Variants in TDRP observed in about 807,000 individuals in gnomAD.
The protein encoded by TDRP is testis development related protein.
In TDRP, 12 loss-of-function variants were observed where a neutral mutation model predicts 10.5. The observed-to-expected ratio is 1.15, with a 90% CI of 0.73 to 1.86. TDRP has a LOEUF of 1.86. Ranked by LOEUF, TDRP falls within the 40% of genes most tolerant of loss-of-function variation. TDRP has a pLI of 0.00. For missense variants in TDRP, 353 were observed against 229.2 expected (o/e 1.54, Z -3.49); for synonymous variants, 139 against 95.4 (o/e 1.46, Z -2.67).
At chr8:499,576 A>C (rs1801228895) in intron 1 of TDRP, among the ~76,000 whole-genome samples, 1 of 152,216 alleles carries the variant, frequency 6.6e-6, no homozygotes, top group Non-Finnish European at 1.5e-5. Flanking sequence ...CCAGGTGAGC[A>C]ATTAGAAGAG....
At chr8:542,341 C>G (rs1312046481) in intron 1 of TDRP, among the ~76,000 whole-genome samples, 1 of 152,050 alleles carries the variant, frequency 6.6e-6, no homozygotes, top group African/African-American at 2.4e-5. Context: ...TTTGTCCAAA[C>G]CACAGAATGC....
intron 1 of TDRP, among the ~76,000 whole-genome samples, chr8:514,309 A>G (rs1041158261): frequency 2.1e-4 from 32 of 152,216 alleles, no homozygotes; most frequent in African/African-American, 7.5e-4. Context: ...CCATACATAT[A>G]AGGTCAATTG....
chr8:513,883 G>C (rs1466565552), intron 1 of TDRP, among the ~76,000 whole-genome samples: 1 of 152,142 alleles, frequency 6.6e-6, no homozygotes, highest in Non-Finnish European at 1.5e-5. Flanking sequence ...AATTAAGAAA[G>C]CAATTCCAGT....
In TDRP at chr8:491,935, A is replaced by G. The variant is rs1046377808; in HGVS notation, c.*464T>C. Reference sequence around the variant, plus strand: ...TTTGTCAAGTTAAACAAAATTTAACATAACTTTGGAAGATTCATCTTACCT... The same window carrying G: ...TTTGTCAAGTTAAACAAAATTTAACGTAACTTTGGAAGATTCATCTTACCT... On this transcript the variant is annotated 3_prime_UTR_variant, in exon 3 of 3. Coordinates refer to ENST00000324079, the MANE Select transcript of TDRP (RefSeq NM_001384899.1). The G allele has an allele frequency of 7.9e-6, 9 of 1,135,910 alleles. No homozygotes were observed. Among genetic ancestry groups the G allele is most frequent in the Admixed American group, 9.5e-5 (2 of 21,060 alleles). 70.4% of individuals were successfully genotyped at this position (1,135,910 alleles called of 1,614,324 possible).
intron 1 of TDRP, among the ~76,000 whole-genome samples, chr8:540,806 T>TAAA (rs60390652): frequency 1.6e-5 from 2 of 125,012 alleles, no homozygotes; most frequent in African/African-American, 3.0e-5. Flanking sequence ...CTTTTTCACG[T>TAAA]AAAAAAAAAA....
At chr8:543,233 G>T (rs1476473573) in intron 1 of TDRP, among the ~76,000 whole-genome samples, 2 of 152,002 alleles carry the variant, frequency 1.3e-5, no homozygotes, top group Non-Finnish European at 2.9e-5. Context: ...AATAGCTTGA[G>T]CCCAGGCAGG....
intron 1 of TDRP, among the ~76,000 whole-genome samples, chr8:507,190 G>A (rs1432547455): frequency 6.6e-6 from 1 of 152,086 alleles, no homozygotes; most frequent in Non-Finnish European, 1.5e-5. Flanking sequence ...AACAGTGTAG[G>A]GGAGACTGCC....
chr8:544,537 C>T, intron 1 of TDRP, 113 bp downstream of exon 1: 3 of 707,516 alleles, frequency 4.2e-6, no homozygotes, highest in Non-Finnish European at 3.9e-6. Context: ...CCTCACCTGC[C>T]CGCCCAAACT....
At chr8:521,448 T>G (rs1429006554) in intron 1 of TDRP, among the ~76,000 whole-genome samples, 1 of 152,090 alleles carries the variant, frequency 6.6e-6, no homozygotes, top group Non-Finnish European at 1.5e-5. Flanking sequence ...CTTCATTTTT[T>G]GCATGTGAAT....
chr8:498,864 A>C (rs1801208340), intron 1 of TDRP, among the ~76,000 whole-genome samples: 1 of 144,600 alleles, frequency 6.9e-6, no homozygotes, highest in South Asian at 2.2e-4. Flanking sequence ...TGATCATTTA[A>C]AAGTGTGTGG....
chr8:529,521 G>A (rs1302883358), intron 1 of TDRP, among the ~76,000 whole-genome samples: 1 of 152,056 alleles, frequency 6.6e-6, no homozygotes, highest in Non-Finnish European at 1.5e-5. Flanking sequence ...CAGCTTCAAA[G>A]AATCTCTTTA....
At position 491,533 on chromosome 8, in the gene TDRP, G is replaced by T. The variant is rs1281904761; in HGVS notation, c.*866C>A. On this transcript the variant is annotated 3_prime_UTR_variant, in exon 3 of 3. Transcript: ENST00000324079. The stretch of plus-strand genomic sequence containing the variant: ...CCAATCACAATAGGCATCTCGCTTT[G>T]CAAGAACAAACATATGAGCCTAATA... The T allele has an allele frequency of 1.5e-6, 2 of 1,371,666 alleles. No homozygotes were observed. Among genetic ancestry groups the T allele is most frequent in the East Asian group, 2.6e-5 (1 of 38,806 alleles). 85.0% of individuals were successfully genotyped at this position (1,371,666 alleles called of 1,614,324 possible). A position where few individuals can be genotyped will look rare whatever the true frequency, so the allele number is the denominator to read the frequency against.
At chr8:522,599 T>C (rs1049471394) in intron 1 of TDRP, among the ~76,000 whole-genome samples, 2 of 152,208 alleles carry the variant, frequency 1.3e-5, no homozygotes, top group African/African-American at 4.8e-5. Context: ...TTCTGTAATA[T>C]GCTTTGCCCC....
chr8:524,232 T>C (rs1450850007), intron 1 of TDRP, among the ~76,000 whole-genome samples: 1 of 152,210 alleles, frequency 6.6e-6, no homozygotes, highest in Non-Finnish European at 1.5e-5. Context: ...GTCACAGCAT[T>C]ACTGGGCTTG....
chr8:522,472 C>A (rs933123111), intron 1 of TDRP, among the ~76,000 whole-genome samples: 1 of 152,180 alleles, frequency 6.6e-6, no homozygotes, highest in African/African-American at 2.4e-5. Context: ...GTTTCTCTAG[C>A]TGTGCAGCTC....
rs148946327 is a variant in TDRP, at chr8:513,220, G to C, written c.109-18623C>G. ...GACACCACGAGAAAAGGAAATTATA[G>C]ACTAGTATCTCTTATGAATATGGAC... On this transcript the variant is annotated intron_variant, in intron 1 of 2. Transcript: ENST00000324079. Among the ~76,000 whole-genome samples, 92 of 151,396 alleles carry C rather than the reference G, an allele frequency of 6.1e-4. 1 individual carries two copies. The highest frequency in any genetic ancestry group is 1.0e-3 in the South Asian group (5 of 4,788).
chr8:504,455 C>A (rs1308129144), intron 1 of TDRP, among the ~76,000 whole-genome samples: 1 of 152,182 alleles, frequency 6.6e-6, no homozygotes, highest in African/African-American at 2.4e-5. Flanking sequence ...GTCCAGGAGC[C>A]CCTAAGAAAC....
chr8:503,580 G>A (rs1801368219), intron 1 of TDRP, among the ~76,000 whole-genome samples: 1 of 143,460 alleles, frequency 7.0e-6, no homozygotes, highest in African/African-American at 2.8e-5. Flanking sequence ...AGAATCCAAA[G>A]CCACACATCA....
At chr8:530,642 G>A (rs1363721776) in intron 1 of TDRP, among the ~76,000 whole-genome samples, 1 of 152,004 alleles carries the variant, frequency 6.6e-6, no homozygotes, top group African/African-American at 2.4e-5. Context: ...GTAATCTCTC[G>A]ATCCCTCTGG....
Sources: allele counts gnomAD v4.1 joint callset (sites outside exome capture counted in the v4.1 genomes callset), GRCh38; gene constraint gnomAD v4.1.1; transcripts MANE v1.5; gene names NCBI Gene and HGNC (gene_info 2026-07-23, HGNC 2026-07-21).